CACNA2D1: variants seen among roughly 807,000 people sequenced by gnomAD.
CACNA2D1 encodes the protein voltage-dependent calcium channel subunit alpha-2/delta-1.
CACNA2D1 carries 53 observed loss-of-function variants against 171.5 expected under a neutral mutation model. The observed-to-expected ratio is 0.31, with a 90% CI of 0.25 to 0.39. CACNA2D1 has a LOEUF of 0.39. CACNA2D1 is among the 10% of genes least tolerant of loss of function. CACNA2D1 has a pLI of 1.00. For missense variants in CACNA2D1, 903 were observed against 1,299.8 expected, an observed-to-expected ratio of 0.69 and a Z score of 4.69; for synonymous variants, 442 against 443.1, an observed-to-expected ratio of 1.00 and a Z score of 0.03.
At chr7:82,265,420 T>C (rs1339639038) in intron 3 of CACNA2D1, among the ~76,000 whole-genome samples, 1 of 146,968 alleles carries the variant, frequency 6.8e-6, no homozygotes, top group Admixed American at 6.8e-5. Context: ...TCCTTTCTTT[T>C]TTTTTTTTTT....
chr7:82,209,638 A>G (rs1800358099), intron 3 of CACNA2D1, among the ~76,000 whole-genome samples: 1 of 152,172 alleles, frequency 6.6e-6, no homozygotes, highest in Non-Finnish European at 1.5e-5. Flanking sequence ...TTCCAACACT[A>G]ATGAGCTTGT....
At chr7:82,075,177 C>T (rs923568311) in intron 7 of CACNA2D1, among the ~76,000 whole-genome samples, 1 of 150,110 alleles carries the variant, frequency 6.7e-6, no homozygotes, top group Non-Finnish European at 1.5e-5. Context: ...GAAACCCATA[C>T]ACAGATACAT....
chr7:82,049,842 C>T (rs902703482), intron 10 of CACNA2D1, among the ~76,000 whole-genome samples: 1 of 152,132 alleles, frequency 6.6e-6, no homozygotes, highest in Non-Finnish European at 1.5e-5. Flanking sequence ...AGATGGATGG[C>T]TTTTGATAAG....
chr7:82,041,149 G>T (rs887916229), intron 10 of CACNA2D1, among the ~76,000 whole-genome samples: 1 of 152,086 alleles, frequency 6.6e-6, no homozygotes, highest in Non-Finnish European at 1.5e-5. Flanking sequence ...GGAAAACAGG[G>T]TGGCATCTGT....
intron 19 of CACNA2D1, among the ~76,000 whole-genome samples, chr7:81,996,893 G>A (rs1798100524): frequency 6.6e-6 from 1 of 151,694 alleles, no homozygotes; most frequent in South Asian, 2.1e-4. Context: ...TTTTACTGAA[G>A]TTTACAAGAT....
chr7:81,961,716 A>C (rs576725109), intron 36 of CACNA2D1, among the ~76,000 whole-genome samples, 178 bp downstream of exon 36: 1 of 152,184 alleles, frequency 6.6e-6, no homozygotes, highest in African/African-American at 2.4e-5. Flanking sequence ...AAAAGTCTAC[A>C]GAGAAACTAA....
chr7:81,965,123 T>C (rs974536964), intron 32 of CACNA2D1, among the ~76,000 whole-genome samples: 3 of 151,872 alleles, frequency 2.0e-5, no homozygotes, highest in Non-Finnish European at 4.4e-5. Flanking sequence ...TTGAGATATT[T>C]TTGCTTTGTT....
At chr7:82,288,170 C>G (rs1176251101) in intron 3 of CACNA2D1, among the ~76,000 whole-genome samples, 1 of 151,996 alleles carries the variant, frequency 6.6e-6, no homozygotes, top group Non-Finnish European at 1.5e-5. Flanking sequence ...TCTTCAAGTG[C>G]CATAGAGTAA....
intron 2 of CACNA2D1, 54 bp downstream of exon 2, chr7:82,349,514 C>A: frequency 1.5e-6 from 2 of 1,323,218 alleles, no homozygotes; most frequent in South Asian, 2.3e-5. Flanking sequence ...GAAGATAGAA[C>A]TGCATTCGAA....
At chr7:82,391,310 T>C (rs537737906) in intron 1 of CACNA2D1, among the ~76,000 whole-genome samples, 16 of 152,332 alleles carry the variant, frequency 1.1e-4, no homozygotes, top group African/African-American at 3.8e-4. Context: ...GCATGCTTTA[T>C]GTGTCAAAGG....
In CACNA2D1 at chr7:82,410,006, T is replaced by C. The variant is rs73386035; in HGVS notation, c.95+33359A>G. 3.3e-3 allele frequency among the ~76,000 whole-genome samples: 510 copies of C among 152,304 alleles called. 2 individuals carry two copies. The highest frequency in any genetic ancestry group is 0.012 in the African/African-American group (490 of 41,550). ...CTGTATATTTAAACATATGTCAACA[T>C]AGAAAGCTACAGAAAAATAAAGTAT... On this transcript the variant is annotated intron_variant, in intron 1 of 38. Transcript: ENST00000356860.
intron 3 of CACNA2D1, among the ~76,000 whole-genome samples, chr7:82,190,226 C>A (rs1236171463): frequency 6.6e-6 from 1 of 151,752 alleles, no homozygotes; most frequent in Non-Finnish European, 1.5e-5. Context: ...ATCTCAACAG[C>A]AAGACTGCAT....
intron 6 of CACNA2D1, among the ~76,000 whole-genome samples, chr7:82,087,474 T>C (rs1489619970): frequency 2.0e-5 from 3 of 151,832 alleles, no homozygotes; most frequent in Non-Finnish European, 4.4e-5. Flanking sequence ...GAATCATTCA[T>C]TCAATTCCTT....
At chr7:81,968,843 C>T in intron 29 of CACNA2D1, 44 bp downstream of exon 29, 2 of 1,028,198 alleles carry the variant, frequency 1.9e-6, no homozygotes, top group Non-Finnish European at 3.1e-6. Flanking sequence ...TGCCAAGTAA[C>T]ATTTAATTTT....
At chr7:82,296,574 G>T (rs1812315653) in intron 3 of CACNA2D1, among the ~76,000 whole-genome samples, 1 of 152,120 alleles carries the variant, frequency 6.6e-6, no homozygotes. Context: ...TCCTTTTAAA[G>T]CTATCTGTTA....
chr7:82,427,138 A>G (rs886136125), intron 1 of CACNA2D1, among the ~76,000 whole-genome samples: 1 of 152,186 alleles, frequency 6.6e-6, no homozygotes, highest in Non-Finnish European at 1.5e-5. Flanking sequence ...TCTGTACTTG[A>G]TAAGTCCTTC....
chr7:82,334,681 AG>A (rs1817772256), intron 3 of CACNA2D1, among the ~76,000 whole-genome samples: 2 of 151,050 alleles, frequency 1.3e-5, no homozygotes, highest in Admixed American at 6.6e-5. Context: ...ATTTTTAAAA[AG>A]AAAAAAAATG....
chr7:82,238,619 G>C (rs867469217), intron 3 of CACNA2D1, among the ~76,000 whole-genome samples: 2 of 152,098 alleles, frequency 1.3e-5, no homozygotes, highest in South Asian at 2.1e-4. Flanking sequence ...TGCACTGTTG[G>C]TGGAAGTGTA....
intron 4 of CACNA2D1, among the ~76,000 whole-genome samples, chr7:82,163,885 A>G (rs1358139434): frequency 6.6e-6 from 1 of 152,024 alleles, no homozygotes; most frequent in Non-Finnish European, 1.5e-5. Context: ...GAAGAGAGAT[A>G]GTACTCATAG....
Sources: allele counts gnomAD v4.1 joint callset (sites outside exome capture counted in the v4.1 genomes callset), GRCh38; gene constraint gnomAD v4.1.1; transcripts MANE v1.5; gene names NCBI Gene and HGNC (gene_info 2026-07-23, HGNC 2026-07-21).